Variants in TP53INP1 observed in about 807,000 individuals in gnomAD.
TP53INP1 encodes tumor protein p53-inducible nuclear protein 1.
In TP53INP1, 12 loss-of-function variants were observed where a neutral mutation model predicts 21.0. The observed-to-expected ratio is 0.57, with a 90% CI of 0.37 to 0.93. TP53INP1 has a LOEUF of 0.93. Ranked by LOEUF, TP53INP1 falls within the 40% of genes least tolerant of loss-of-function variation. The pLI is 0.01. For missense variants in TP53INP1, 274 were observed against 294.7 expected, an observed-to-expected ratio of 0.93 and a Z score of 0.51; for synonymous variants, 91 against 94.8, an observed-to-expected ratio of 0.96 and a Z score of 0.23.
At position 94,930,049 on chromosome 8, in the gene TP53INP1, T is replaced by C. The variant is rs181236331; in HGVS notation, c.*430A>G. The C allele has an allele frequency of 3.3e-4, 56 of 167,276 alleles. No individual in the cohort carries two copies. The highest frequency in any genetic ancestry group is 3.2e-3 in the Admixed American group (55 of 17,178). 10.4% of individuals were successfully genotyped at this position (167,276 alleles called of 1,614,324 possible). On this transcript the variant is annotated 3_prime_UTR_variant, in exon 4 of 4. Transcript: ENST00000342697. ...GTATTCATCATATACAGAGAGATTA[T>C]CAAGTACTGGTCAATAAAGTGTACA...
chr8:94,942,089 T>C (rs1033756011), intron 1 of TP53INP1, among the ~76,000 whole-genome samples: 17 of 151,764 alleles, frequency 1.1e-4, no homozygotes, highest in Non-Finnish European at 2.4e-4. Context: ...CTGGAGTGCA[T>C]GCAGTGAGGC....
intron 1 of TP53INP1, among the ~76,000 whole-genome samples, chr8:94,944,861 C>G (rs1038930636): frequency 2.0e-5 from 3 of 152,158 alleles, no homozygotes; most frequent in Non-Finnish European, 4.4e-5. Flanking sequence ...CACTCTCTTT[C>G]CCCACAAACT....
intron 3 of TP53INP1, among the ~76,000 whole-genome samples, chr8:94,936,998 G>C (rs1821042320): frequency 6.6e-6 from 1 of 152,190 alleles, no homozygotes; most frequent in Admixed American, 6.5e-5. Flanking sequence ...ACTAGTGCTG[G>C]TAGCCCTGGG....
chr8:94,934,740 T>A (rs897060639), intron 3 of TP53INP1, among the ~76,000 whole-genome samples: 1 of 152,108 alleles, frequency 6.6e-6, no homozygotes, highest in Admixed American at 6.6e-5. Flanking sequence ...AGGGAAGAAT[T>A]TTCAAGAAAT....
intron 1 of TP53INP1, among the ~76,000 whole-genome samples, chr8:94,947,366 A>C (rs1397188636): frequency 6.6e-6 from 1 of 152,096 alleles, no homozygotes; most frequent in Non-Finnish European, 1.5e-5. Context: ...AGTTTCAGGA[A>C]ATCAGGTGGC....
chr8:94,934,743 CA>C (rs1427955339), intron 3 of TP53INP1, among the ~76,000 whole-genome samples: 2 of 152,012 alleles, frequency 1.3e-5, no homozygotes, highest in Non-Finnish European at 2.9e-5. Context: ...GAAGAATTTT[CA>C]AGAAATGAAT....
intron 3 of TP53INP1, among the ~76,000 whole-genome samples, chr8:94,933,770 AC>A (rs372305799): frequency 4.0e-5 from 5 of 125,910 alleles, no homozygotes; most frequent in African/African-American, 8.5e-5. Flanking sequence ...CTCAAAAAAA[AC>A]CCCCAAAAAA....
In TP53INP1 at chr8:94,929,853, T is replaced by G. The variant is rs1820222143; in HGVS notation, c.*626A>C. On this transcript the variant is annotated 3_prime_UTR_variant, in exon 4 of 4. Coordinates refer to ENST00000342697, the MANE Select transcript of TP53INP1 (RefSeq NM_033285.4). The stretch of plus-strand genomic sequence containing the variant: ...GTCACATTGGAATTACTGCATGCAC[T>G]CTTCACTAAAGCTTAATGTACCTGA... 6.6e-6 allele frequency: 1 copy of G among 152,592 alleles called. No individual in the cohort carries two copies. Among genetic ancestry groups the G allele is most frequent in the Non-Finnish European group, 1.5e-5 (1 of 68,374 alleles). The allele number at this position is 152,592 out of a possible 1,614,324, so 9.5% of individuals were successfully genotyped here.
Position 94,929,870 on chromosome 8 carries a change from T to C in TP53INP1, c.*609A>G, listed in dbSNP as rs1820222889. ...GCATGCACTCTTCACTAAAGCTTAATGTACCTGAATTCCAAATGAACTGTA... is the reference window on the plus strand; with the variant it reads ...GCATGCACTCTTCACTAAAGCTTAACGTACCTGAATTCCAAATGAACTGTA... On this transcript the variant is annotated 3_prime_UTR_variant, in exon 4 of 4. Transcript: ENST00000342697. The C allele has an allele frequency of 1.3e-5, 2 of 152,742 alleles. No individual in the cohort carries two copies. The highest frequency in any genetic ancestry group is 2.4e-5 in the African/African-American group (1 of 41,458). The allele number at this position is 152,742 out of a possible 1,614,324, so 9.5% of individuals were successfully genotyped here. A position where few individuals can be genotyped will look rare whatever the true frequency, so the allele number is the denominator to read the frequency against.
chr8:94,948,181 C>G (rs558402010), intron 1 of TP53INP1, among the ~76,000 whole-genome samples: 9 of 152,136 alleles, frequency 5.9e-5, no homozygotes, highest in Non-Finnish European at 1.0e-4. Flanking sequence ...TCAGAAAATA[C>G]AAGCAAAACA....
chr8:94,931,566 TGAG>T (rs1248428540), intron 3 of TP53INP1, among the ~76,000 whole-genome samples: 6 of 143,716 alleles, frequency 4.2e-5, no homozygotes, highest in African/African-American at 1.6e-4. Flanking sequence ...TAAAATCACT[TGAG>T]GAAACACACA....
intron 3 of TP53INP1, among the ~76,000 whole-genome samples, chr8:94,931,434 T>C (rs1170953995): frequency 1.3e-5 from 2 of 152,220 alleles, no homozygotes; most frequent in Admixed American, 1.3e-4. Flanking sequence ...AGTATGATTA[T>C]GTTTTCCATA....
At chr8:94,939,703 G>T in intron 3 of TP53INP1, 157 bp downstream of exon 3, 1 of 1,101,082 alleles carries the variant, frequency 9.1e-7, no homozygotes, top group Non-Finnish European at 1.3e-6. Context: ...TGGTCAACAA[G>T]TTATCTTACG....
At chr8:94,939,061 A>G (rs775858888) in intron 3 of TP53INP1, among the ~76,000 whole-genome samples, 4 of 152,154 alleles carry the variant, frequency 2.6e-5, no homozygotes, top group Non-Finnish European at 5.9e-5. Flanking sequence ...TGTGGAAAAA[A>G]CCCACACATC....
intron 1 of TP53INP1, among the ~76,000 whole-genome samples, chr8:94,946,779 A>G (rs529872619): frequency 4.0e-5 from 6 of 149,188 alleles, no homozygotes; most frequent in Admixed American, 1.4e-4. Flanking sequence ...TGAATTCAGG[A>G]TATTTACTAA....
At chr8:94,944,068 TTCC>T (rs1821786604) in intron 1 of TP53INP1, among the ~76,000 whole-genome samples, 1 of 152,256 alleles carries the variant, frequency 6.6e-6, no homozygotes, top group African/African-American at 2.4e-5. Flanking sequence ...TTCAAAATCC[TTCC>T]TCCATTTATT....
rs1420925517 is a variant in TP53INP1 at position 94,926,112 on chromosome 8, CT to C, written c.*4366del. On this transcript the variant is annotated 3_prime_UTR_variant, in exon 4 of 4. Transcript: ENST00000342697. Reference sequence around the variant, plus strand: ...TGCTACACTCATTTTTGGCAAAGTGCTGTATTGTTCAGTCTGTGTACAAAAC... The same window carrying C: ...TGCTACACTCATTTTTGGCAAAGTGCGTATTGTTCAGTCTGTGTACAAAAC... The C allele has an allele frequency of 6.6e-6, 1 of 152,576 alleles. No homozygotes were observed. Among genetic ancestry groups the C allele is most frequent in the African/African-American group, 2.4e-5 (1 of 41,438 alleles). The allele number at this position is 152,576 out of a possible 1,614,324, so 9.5% of individuals were successfully genotyped here. A position where few individuals can be genotyped will look rare whatever the true frequency, so the allele number is the denominator to read the frequency against.
At chr8:94,947,722 A>T (rs1822145994) in intron 1 of TP53INP1, among the ~76,000 whole-genome samples, 1 of 152,234 alleles carries the variant, frequency 6.6e-6, no homozygotes, top group African/African-American at 2.4e-5. Flanking sequence ...GACAAGAGTA[A>T]GTGGTAATTC....
In TP53INP1 at chr8:94,930,112, TTAAG is replaced by T. The variant is rs1820246342; in HGVS notation, c.*363_*366del. Reference sequence around the variant, plus strand: ...AATAAATTTTTGCTTGCTTAAAAGATTAAGTAATACAAAATAAAATGAAAATGAA... The same window carrying T: ...AATAAATTTTTGCTTGCTTAAAAGATTAATACAAAATAAAATGAAAATGAA... On this transcript the variant is annotated 3_prime_UTR_variant, in exon 4 of 4. Transcript: ENST00000342697. 2 of 200,472 alleles carry T rather than the reference TTAAG, an allele frequency of 1.0e-5. No homozygotes were observed. Among genetic ancestry groups the T allele is most frequent in the South Asian group, 1.9e-4 (2 of 10,600 alleles). 12.4% of individuals were successfully genotyped at this position (200,472 alleles called of 1,614,324 possible). A position where few individuals can be genotyped will look rare whatever the true frequency, so the allele number is the denominator to read the frequency against.
Sources: allele counts gnomAD v4.1 joint callset (sites outside exome capture counted in the v4.1 genomes callset), GRCh38; gene constraint gnomAD v4.1.1; transcripts MANE v1.5; gene names NCBI Gene and HGNC (gene_info 2026-07-23, HGNC 2026-07-21).